Variants in SAMD5 observed in about 807,000 individuals in gnomAD.
SAMD5 encodes sterile alpha motif domain-containing protein 5.
In SAMD5, 13 loss-of-function variants were observed where a neutral mutation model predicts 11.3. That is an observed-to-expected ratio of 1.15 (90% CI 0.75 to 1.83). The LOEUF (loss-of-function observed/expected upper bound fraction) is 1.83, where lower values mean the gene tolerates loss of function less well. Among genes scored for constraint, SAMD5 ranks in the 40% most tolerant of loss-of-function variants. SAMD5 has a pLI of 0.00. For missense variants in SAMD5, 255 were observed against 239.1 expected (o/e 1.07, Z -0.44); for synonymous variants, 129 against 111.3 (o/e 1.16, Z -1.00).
chr6:147,667,821 A>C (rs1262536445), intron 1 of SAMD5, among the ~76,000 whole-genome samples: 1 of 152,210 alleles, frequency 6.6e-6, no homozygotes, highest in African/African-American at 2.4e-5. Context: ...AATAAGAGAA[A>C]ATAAAAGATC....
chr6:147,771,052 G>A, the SAMD5 span, among the ~76,000 whole-genome samples: 1 of 152,108 alleles, frequency 6.6e-6, no homozygotes, highest in African/African-American at 2.4e-5. Flanking sequence ...TTTTTGGGAG[G>A]ACATCTTGCT....
At chr6:147,861,918 A>G in the SAMD5 span, among the ~76,000 whole-genome samples, 1 of 152,202 alleles carries the variant, frequency 6.6e-6, no homozygotes, top group Non-Finnish European at 1.5e-5. Context: ...CCAGCTGAGC[A>G]TAGCGCCTTG....
the SAMD5 span, among the ~76,000 whole-genome samples, chr6:147,873,629 T>C: frequency 6.6e-6 from 1 of 152,140 alleles, no homozygotes; most frequent in Non-Finnish European, 1.5e-5. Context: ...TTACTAGTTA[T>C]TATATGGATT....
the SAMD5 span, among the ~76,000 whole-genome samples, chr6:147,769,495 GA>G: frequency 9.9e-5 from 15 of 152,228 alleles, no homozygotes; most frequent in African/African-American, 3.4e-4. Context: ...AGTGATAATG[GA>G]ATTGGGTATA....
intron 1 of SAMD5, among the ~76,000 whole-genome samples, chr6:147,521,055 T>G: frequency 6.6e-6 from 1 of 152,162 alleles, no homozygotes; most frequent in East Asian, 1.9e-4. Flanking sequence ...CTAATACATA[T>G]TCAATCTCAA....
chr6:147,741,020 T>C (rs1249395627), downstream of SAMD5, among the ~76,000 whole-genome samples: 1 of 152,326 alleles, frequency 6.6e-6, no homozygotes, highest in East Asian at 1.9e-4. Flanking sequence ...CAAGAGACTT[T>C]TTCTTCAGGT....
At chr6:147,709,021 A>G (rs1791361746) in intron 1 of SAMD5, among the ~76,000 whole-genome samples, 1 of 152,244 alleles carries the variant, frequency 6.6e-6, no homozygotes, top group Non-Finnish European at 1.5e-5. Flanking sequence ...TCCTCTCTGA[A>G]TAATCAGCGG....
the SAMD5 span, among the ~76,000 whole-genome samples, chr6:147,872,965 G>A: frequency 2.0e-5 from 3 of 152,174 alleles, no homozygotes; most frequent in East Asian, 1.9e-4. Context: ...CGGGGCCATC[G>A]TAGTGCCTTG....
chr6:147,818,587 C>T, the SAMD5 span, among the ~76,000 whole-genome samples: 1 of 152,330 alleles, frequency 6.6e-6, no homozygotes, highest in Admixed American at 6.5e-5. Flanking sequence ...CAAATGCCCA[C>T]ATGCATTATT....
At chr6:147,820,692 G>A in the SAMD5 span, among the ~76,000 whole-genome samples, 134 of 152,302 alleles carry the variant, frequency 8.8e-4, no homozygotes, top group Non-Finnish European at 1.5e-3. Context: ...CAGAGTGTTT[G>A]CTCTTGAATG....
intron 1 of SAMD5, among the ~76,000 whole-genome samples, chr6:147,692,229 G>A (rs1398020777): frequency 1.3e-5 from 2 of 152,168 alleles, no homozygotes; most frequent in East Asian, 3.9e-4. Context: ...TTAGTATGGT[G>A]TATTTCAACC....
the SAMD5 span, among the ~76,000 whole-genome samples, chr6:147,799,234 T>C: frequency 1.3e-5 from 2 of 152,224 alleles, no homozygotes; most frequent in Non-Finnish European, 2.9e-5. Context: ...GTTTAGGGTT[T>C]CCTTCAGGAG....
the SAMD5 span, among the ~76,000 whole-genome samples, chr6:147,941,882 T>G: frequency 1.3e-5 from 2 of 152,076 alleles, no homozygotes; most frequent in Admixed American, 6.5e-5. Context: ...TGTTTTGCTT[T>G]GTTTTGTTTG....
chr6:147,811,542 G>C, the SAMD5 span, among the ~76,000 whole-genome samples: 2 of 152,106 alleles, frequency 1.3e-5, no homozygotes, highest in Non-Finnish European at 2.9e-5. Context: ...GGATGGATTT[G>C]ATTGGAGGAG....
chr6:147,568,073 T>C lies in SAMD5; in HGVS notation c.*3617T>C. The C allele has an allele frequency of 2.0e-6, 2 of 985,308 alleles. No homozygotes were observed. Among genetic ancestry groups the C allele is most frequent in the East Asian group, 2.3e-4 (2 of 8,802 alleles). The allele number at this position is 985,308 out of a possible 1,614,324, so 61.0% of individuals were successfully genotyped here. A position where few individuals can be genotyped will look rare whatever the true frequency, so the allele number is the denominator to read the frequency against. On this transcript the variant is annotated 3_prime_UTR_variant, in exon 2 of 2. Transcript: ENST00000367474. Reference sequence around the variant, plus strand: ...CAGATTGATGAATTTGAGGTACAAATGAGTGAGTGACATATGTATATTTTC... The same window carrying C: ...CAGATTGATGAATTTGAGGTACAAACGAGTGAGTGACATATGTATATTTTC...
chr6:147,948,278 G>GA, the SAMD5 span, among the ~76,000 whole-genome samples: 51,003 of 137,972 alleles, frequency 0.37, 9,021 homozygotes, highest in East Asian at 0.5. Flanking sequence ...TGCAAGGAGA[G>GA]AAAAAAAAAA....
At chr6:147,652,808 T>G (rs1790509640) in intron 1 of SAMD5, among the ~76,000 whole-genome samples, 1 of 152,224 alleles carries the variant, frequency 6.6e-6, no homozygotes, top group African/African-American at 2.4e-5. Flanking sequence ...ATCCTGTCAC[T>G]TTGTTTGGTC....
the SAMD5 span, among the ~76,000 whole-genome samples, chr6:147,865,915 C>T: frequency 6.6e-6 from 1 of 152,200 alleles, no homozygotes; most frequent in African/African-American, 2.4e-5. Flanking sequence ...TTTTCCAAAG[C>T]ATATTTGAAT....
At chr6:147,812,546 A>T in the SAMD5 span, among the ~76,000 whole-genome samples, 23 of 151,744 alleles carry the variant, frequency 1.5e-4, no homozygotes, top group South Asian at 2.5e-3. Context: ...TTTTTTTTTT[A>T]AAAAGTGGGA....
Sources: allele counts gnomAD v4.1 joint callset (sites outside exome capture counted in the v4.1 genomes callset), GRCh38; gene constraint gnomAD v4.1.1; transcripts MANE v1.5; gene names NCBI Gene and HGNC (gene_info 2026-07-23, HGNC 2026-07-21).